Variants in EPHB1 observed in about 807,000 individuals in gnomAD.
EPHB1 encodes EPH receptor B1.
A neutral mutation model predicts 94.4 loss-of-function variants in EPHB1; 30 were observed. The ratio of observed to expected loss-of-function variants is 0.32; its 90% CI spans 0.24 to 0.43. EPHB1 has a LOEUF of 0.43. EPHB1 is among the 20% of genes least tolerant of loss of function. The probability of loss-of-function intolerance (pLI) is 1.00; values close to 1 mark genes in which losing one functional copy is unlikely to be tolerated. For missense variants in EPHB1, 1,055 were observed against 1,308.3 expected, an observed-to-expected ratio of 0.81 and a Z score of 2.99; for synonymous variants, 522 against 489.1, an observed-to-expected ratio of 1.07 and a Z score of -0.89.
intron 1 of EPHB1, among the ~76,000 whole-genome samples, chr3:134,828,112 C>A (rs1025848905): frequency 2.6e-5 from 4 of 152,172 alleles, no homozygotes; most frequent in African/African-American, 9.7e-5. Context: ...TGGACTCCTG[C>A]CTTCTCTTTT....
chr3:134,798,942 C>G (rs963250269), intron 1 of EPHB1, among the ~76,000 whole-genome samples: 5 of 152,256 alleles, frequency 3.3e-5, no homozygotes, highest in Non-Finnish European at 1.5e-5. Context: ...GTGCGGCACA[C>G]TGGCTGATGG....
intron 1 of EPHB1, among the ~76,000 whole-genome samples, chr3:134,808,759 T>G (rs144007340): frequency 6.6e-6 from 1 of 152,228 alleles, no homozygotes; most frequent in African/African-American, 2.4e-5. Flanking sequence ...ATGTTCTGTA[T>G]CTTCCTGAGC....
chr3:134,999,268 G>A (rs1459877063), intron 3 of EPHB1, among the ~76,000 whole-genome samples: 1 of 152,152 alleles, frequency 6.6e-6, no homozygotes, highest in African/African-American at 2.4e-5. Context: ...AAGGTTTTTT[G>A]AGTTACTGTT....
chr3:135,137,902 C>A (rs182614321), intron 5 of EPHB1, among the ~76,000 whole-genome samples: 2 of 152,282 alleles, frequency 1.3e-5, no homozygotes, highest in Admixed American at 1.3e-4. Context: ...ATATTGGTTT[C>A]TCCAGTCTGT....
At chr3:135,180,088 G>T in intron 10 of EPHB1, 106 bp downstream of exon 10, 1 of 1,319,380 alleles carries the variant, frequency 7.6e-7, no homozygotes, top group South Asian at 1.4e-5. Flanking sequence ...TAGGAGGAGA[G>T]CTTCTATCTT....
At chr3:134,994,512 A>G (rs1186398017) in intron 3 of EPHB1, among the ~76,000 whole-genome samples, 2 of 152,136 alleles carry the variant, frequency 1.3e-5, no homozygotes, top group Non-Finnish European at 2.9e-5. Context: ...AGGACCCTGG[A>G]ATTTCTTGTC....
At chr3:134,980,280 A>G (rs1934354794) in intron 3 of EPHB1, among the ~76,000 whole-genome samples, 1 of 152,044 alleles carries the variant, frequency 6.6e-6, no homozygotes, top group South Asian at 2.1e-4. Flanking sequence ...TCTCGGTGCA[A>G]TTGGATTTCT....
At chr3:134,931,977 A>G (rs1368573989) in intron 2 of EPHB1, among the ~76,000 whole-genome samples, 3 of 151,476 alleles carry the variant, frequency 2.0e-5, no homozygotes, top group Non-Finnish European at 4.4e-5. Context: ...GTATATATGT[A>G]TGTGTATATA....
At chr3:135,003,389 A>C (rs1051841681) in intron 3 of EPHB1, among the ~76,000 whole-genome samples, 23 of 151,270 alleles carry the variant, frequency 1.5e-4, no homozygotes, top group African/African-American at 5.6e-4. Flanking sequence ...GTATGTGGTC[A>C]ATTTTGGAAT....
intron 1 of EPHB1, among the ~76,000 whole-genome samples, chr3:134,898,155 A>G (rs1204372586): frequency 1.3e-5 from 2 of 152,128 alleles, no homozygotes. Context: ...TTGGGGGGTG[A>G]CTGCACATGG....
At chr3:135,049,456 G>A (rs1010620996) in intron 3 of EPHB1, among the ~76,000 whole-genome samples, 11 of 152,170 alleles carry the variant, frequency 7.2e-5, no homozygotes, top group African/African-American at 2.7e-4. Flanking sequence ...TGAGAACTCA[G>A]CTGGGGCTAT....
intron 3 of EPHB1, among the ~76,000 whole-genome samples, chr3:135,047,833 G>C (rs1384360246): frequency 6.6e-6 from 1 of 151,766 alleles, no homozygotes; most frequent in African/African-American, 2.4e-5. Flanking sequence ...GTCAAAACTG[G>C]AGAGTATATT....
chr3:134,931,570 C>A (rs2038903361), intron 2 of EPHB1, among the ~76,000 whole-genome samples: 1 of 152,214 alleles, frequency 6.6e-6, no homozygotes, highest in Non-Finnish European at 1.5e-5. Context: ...CTGTGATACG[C>A]TCTGTTGACT....
At chr3:134,980,729 T>TGGCATGTGTGTCTTC (rs1211098376) in intron 3 of EPHB1, among the ~76,000 whole-genome samples, 2 of 152,194 alleles carry the variant, frequency 1.3e-5, no homozygotes, top group Non-Finnish European at 2.9e-5. Flanking sequence ...TTGCTGAGGA[T>TGGCATGTGTGTCTTC]AAATACTCAA....
chr3:134,927,040 G>C (rs573966180), intron 2 of EPHB1, among the ~76,000 whole-genome samples: 2 of 152,288 alleles, frequency 1.3e-5, no homozygotes, highest in Admixed American at 6.5e-5. Flanking sequence ...AAGAGGAGGT[G>C]GGAGTGCTCT....
intron 12 of EPHB1, among the ~76,000 whole-genome samples, chr3:135,210,399 G>A (rs1943005274): frequency 6.6e-6 from 1 of 152,204 alleles, no homozygotes; most frequent in Admixed American, 6.5e-5. Context: ...TCCAAATGAA[G>A]ATGCACATTT....
rs143629423 is a variant in EPHB1 at position 134,832,551 on chromosome 3, T to A, written c.58+36862T>A. The stretch of plus-strand genomic sequence containing the variant: ...TTCCCCCTTACCCACATACAAACTG[T>A]ACCATTATTATGTAATATTTTTCCT... On this transcript the variant is annotated intron_variant, in intron 1 of 15. Transcript: ENST00000398015. 6.2e-3 allele frequency among the ~76,000 whole-genome samples: 951 copies of A among 152,346 alleles called. 6 individuals carry two copies. The highest frequency in any genetic ancestry group is 0.021 in the African/African-American group (860 of 41,576).
intron 1 of EPHB1, among the ~76,000 whole-genome samples, chr3:134,872,678 C>A (rs1050192460): frequency 6.6e-6 from 1 of 152,192 alleles, no homozygotes; most frequent in Non-Finnish European, 1.5e-5. Context: ...TCATGTCACT[C>A]CCTGCTTAAG....
intron 2 of EPHB1, among the ~76,000 whole-genome samples, chr3:134,948,455 C>G (rs776397903): frequency 2.0e-5 from 3 of 151,638 alleles, no homozygotes; most frequent in Admixed American, 6.6e-5. Context: ...AGTGACTTCT[C>G]CATGGCTGAA....
Sources: allele counts gnomAD v4.1 joint callset (sites outside exome capture counted in the v4.1 genomes callset), GRCh38; gene constraint gnomAD v4.1.1; transcripts MANE v1.5; gene names NCBI Gene and HGNC (gene_info 2026-07-23, HGNC 2026-07-21).